The following LARGE1 variants were observed in gnomAD, a reference collection of about 807,000 sequenced individuals.
LARGE1 encodes the protein LARGE xylosyl- and glucuronyltransferase 1.
LARGE1 carries 43 observed loss-of-function variants against 87.6 expected under a neutral mutation model. The ratio of observed to expected loss-of-function variants is 0.49; its 90% CI spans 0.38 to 0.63. The LOEUF is 0.63. LARGE1 is among the 30% of genes least tolerant of loss of function. LARGE1 has a pLI of 0.00. For synonymous variants in LARGE1, 434 were observed against 394.6 expected (o/e 1.10, Z -1.18); for missense variants, 802 against 1,000.2 (o/e 0.80, Z 2.67).
chr22:33,330,171 T>C (rs1937573607), intron 10 of LARGE1, among the ~76,000 whole-genome samples: 1 of 152,120 alleles, frequency 6.6e-6, no homozygotes, highest in South Asian at 2.1e-4. Flanking sequence ...TCTCTGTCTT[T>C]GGGAGAATTT....
chr22:33,741,148 G>A lies in LARGE1; in HGVS notation c.106+20223C>T, dbSNP rs537209221. 7.2e-5 allele frequency among the ~76,000 whole-genome samples: 11 copies of A among 152,340 alleles called. No homozygotes were observed. In the South Asian group the frequency reaches 2.1e-3, roughly 29 times the overall value. ...CTGTGTGGATGATAAGCAGCACTCT[G>A]AGCACGAAGGCCACACGTGTGGAAT... is the stretch of plus-strand genomic sequence containing the variant. On this transcript the variant is annotated intron_variant, in intron 2 of 14. Coordinates refer to ENST00000397394, the MANE Select transcript of LARGE1 (RefSeq NM_133642.5).
intron 6 of LARGE1, among the ~76,000 whole-genome samples, chr22:33,476,904 T>C (rs1229168397): frequency 1.3e-5 from 2 of 152,116 alleles, no homozygotes; most frequent in Non-Finnish European, 2.9e-5. Context: ...GTGACATGAC[T>C]CGGATGTGAG....
chr22:33,394,277 C>T (rs1284905339), intron 7 of LARGE1, among the ~76,000 whole-genome samples: 9 of 150,240 alleles, frequency 6.0e-5, no homozygotes. Context: ...CGGCTCACTG[C>T]AACCTCTGCC....
At chr22:33,470,860 T>A (rs1450322695) in intron 6 of LARGE1, among the ~76,000 whole-genome samples, 1 of 152,186 alleles carries the variant, frequency 6.6e-6, no homozygotes, top group Non-Finnish European at 1.5e-5. Context: ...AGAGAGCTAT[T>A]TTACAGCGTG....
intron 6 of LARGE1, among the ~76,000 whole-genome samples, chr22:33,463,890 T>C (rs1314628936): frequency 6.6e-6 from 1 of 152,174 alleles, no homozygotes; most frequent in African/African-American, 2.4e-5. Context: ...GCCAGGCTGG[T>C]CTCGAACTCC....
intron 6 of LARGE1, among the ~76,000 whole-genome samples, chr22:33,530,703 A>C (rs944467251): frequency 6.6e-6 from 1 of 152,200 alleles, no homozygotes; most frequent in African/African-American, 2.4e-5. Flanking sequence ...TACAAGGCCT[A>C]TCACACAGTC....
intron 2 of LARGE1, chr22:33,657,126 T>A (rs2080981714): frequency 6.6e-6 from 1 of 152,228 alleles, no homozygotes; most frequent in African/African-American, 2.4e-5. Context: ...TGGATGGGCC[T>A]CCCATGAAGG....
At chr22:33,865,648 G>A (rs1025965319) in intron 1 of LARGE1, among the ~76,000 whole-genome samples, 1 of 151,966 alleles carries the variant, frequency 6.6e-6, no homozygotes, top group Admixed American at 6.6e-5. Flanking sequence ...GAAAACTCTG[G>A]GCCAGGCAGA....
intron 7 of LARGE1, among the ~76,000 whole-genome samples, chr22:33,420,167 A>G (rs905517546): frequency 1.3e-5 from 2 of 152,208 alleles, no homozygotes; most frequent in African/African-American, 4.8e-5. Context: ...ATGCTGCTCT[A>G]TATCACTGTC....
intron 11 of LARGE1, among the ~76,000 whole-genome samples, chr22:33,170,742 C>T (rs1303870942): frequency 6.6e-6 from 1 of 152,170 alleles, no homozygotes; most frequent in Non-Finnish European, 1.5e-5. Context: ...ATTACCCCAT[C>T]TTGGTATCTT....
Position 33,880,610 on chromosome 22 carries a change from G to C in LARGE1, c.-83+39385C>G, listed in dbSNP as rs2064648538. Among the ~76,000 whole-genome samples the C allele has an allele frequency of 2.0e-5, 3 of 152,138 alleles. No individual in the cohort carries two copies. In the South Asian group the frequency reaches 6.2e-4, roughly 32 times the overall value. On this transcript the variant is annotated intron_variant, in intron 1 of 14. Transcript: ENST00000397394. ...TAACAGCTACGTTCTGGTCATTTCA[G>C]TGAAGCAGAGCCACCCCACACAAAT... is the stretch of plus-strand genomic sequence containing the variant.
chr22:33,536,350 T>C (rs987604543), intron 6 of LARGE1, among the ~76,000 whole-genome samples: 3 of 152,232 alleles, frequency 2.0e-5, no homozygotes, highest in African/African-American at 7.2e-5. Flanking sequence ...GTAATCTCTC[T>C]CTACAAATGG....
intron 6 of LARGE1, among the ~76,000 whole-genome samples, chr22:33,437,500 T>A (rs2067313214): frequency 6.6e-6 from 1 of 152,132 alleles, no homozygotes; most frequent in South Asian, 2.1e-4. Flanking sequence ...AGTTAATTTG[T>A]GAAAATGATG....
Position 33,291,706 on chromosome 22 carries a change from CAA to C in LARGE1, c.1731-8360_1731-8359del, listed in dbSNP as rs368340445. On this transcript the variant is annotated intron_variant, in intron 12 of 14. Coordinates refer to ENST00000397394, the MANE Select transcript of LARGE1 (RefSeq NM_133642.5). ...AATGATTAAAAAAAAAAAAGCTTGA[CAA>C]GAGAGAGTTTGGTCCCATTTTTTTT... 3.8e-3 allele frequency among the ~76,000 whole-genome samples: 580 copies of C among 150,796 alleles called. 2 individuals carry two copies. The highest frequency in any genetic ancestry group is 0.024 in the Middle Eastern group (7 of 288).
rs531434744 is a variant in LARGE1, at chr22:33,361,278, T to A, written c.1131+20641A>T. 3.3e-5 allele frequency among the ~76,000 whole-genome samples: 5 copies of A among 149,718 alleles called. 1 individual carries two copies. In the East Asian group the frequency reaches 9.7e-4, roughly 29 times the overall value. On this transcript the variant is annotated intron_variant, in intron 9 of 14. Transcript: ENST00000397394. ...ATGTCTGGTTCTGGTTTGCTGTCTC[T>A]GGGTCTCTTCTTCAGCCTCTTGGAG...
intron 4 of LARGE1, among the ~76,000 whole-genome samples, chr22:33,619,369 A>G (rs998728416): frequency 6.6e-6 from 1 of 152,086 alleles, no homozygotes; most frequent in African/African-American, 2.4e-5. Context: ...AGCCTGGCCA[A>G]CGTGGCAAAA....
downstream of LARGE1, among the ~76,000 whole-genome samples, chr22:33,268,514 G>A (rs561431446): frequency 4.4e-4 from 64 of 146,088 alleles, 3 homozygotes; most frequent in South Asian, 0.013. Flanking sequence ...TGCAAGCTCC[G>A]TCCCCCGGGT....
intron 1 of LARGE1, among the ~76,000 whole-genome samples, chr22:33,795,553 ATGCGCACGTATGTTTAC>A (rs377417246): frequency 1.1e-3 from 164 of 152,318 alleles, no homozygotes; most frequent in African/African-American, 3.8e-3. Context: ...ATAAAGACAC[ATGCGCACGTATGTTTAC>A]TGCGGCACTA....
At chr22:33,364,164 C>G (rs1051498303) in intron 9 of LARGE1, among the ~76,000 whole-genome samples, 3 of 152,122 alleles carry the variant, frequency 2.0e-5, no homozygotes, top group African/African-American at 7.2e-5. Flanking sequence ...ACGCCATTCT[C>G]CTGCCTCAGC....
Sources: gnomAD v4.1 joint callset for allele counts (sites outside exome capture counted in the v4.1 genomes callset) on GRCh38, gnomAD v4.1.1 for gene constraint, MANE v1.5 for transcripts, NCBI Gene and HGNC (gene_info 2026-07-23, HGNC 2026-07-21) for gene names.